The following CENPC variants were observed in gnomAD, a reference collection of about 807,000 sequenced individuals.
The protein encoded by CENPC is CENP-C 1.
Under a neutral mutation model 112.1 loss-of-function variants are expected in CENPC, and 63 were observed. The observed-to-expected ratio is 0.56, with a 90% CI of 0.46 to 0.69. The LOEUF (loss-of-function observed/expected upper bound fraction) is 0.69, where lower values mean the gene tolerates loss of function less well. Ranked by LOEUF, CENPC falls within the 30% of genes least tolerant of loss-of-function variation. The pLI is 0.00. For missense variants in CENPC, 1,000 were observed against 1,103.8 expected, an observed-to-expected ratio of 0.91 and a Z score of 1.33; for synonymous variants, 333 against 367.6, an observed-to-expected ratio of 0.91 and a Z score of 1.08.
intron 3 of CENPC, among the ~76,000 whole-genome samples, chr4:67,540,196 T>A (rs1032670030): frequency 1.3e-5 from 2 of 152,216 alleles, no homozygotes; most frequent in Non-Finnish European, 2.9e-5. Flanking sequence ...TTCTTTTCTA[T>A]CATCTGCCCC....
At chr4:67,544,038 G>C (rs1297689077) in intron 2 of CENPC, 111 bp downstream of exon 2, 3 of 658,456 alleles carry the variant, frequency 4.6e-6, no homozygotes, top group Non-Finnish European at 8.3e-6. Context: ...TTAATCAGTG[G>C]GCACAGAAAT....
At chr4:67,530,622 T>C (rs1371541600) in intron 5 of CENPC, among the ~76,000 whole-genome samples, 193 bp downstream of exon 5, 2 of 151,802 alleles carry the variant, frequency 1.3e-5, no homozygotes, top group East Asian at 1.9e-4. Flanking sequence ...CTAAAGGAAA[T>C]GGAGAAGAAG....
In CENPC at chr4:67,505,229, C is replaced by G. The variant is rs1022651302; in HGVS notation, c.2107G>C (p.Asp703His). The change falls in exon 12 of 19, where the codon GAT (aspartate) becomes CAT (histidine). Residue 703 changes from aspartate (D) to histidine (H), a missense_variant. Physicochemically the swap from Asp to His is moderately conservative, Grantham distance 81. Coordinates refer to ENST00000273853, the MANE Select transcript of CENPC (RefSeq NM_001812.4). ...YLMSGKNDVD[D>H]EEVHGSSDDS... ...CCTGAACTTCCATGAACTTCCTCAT[C>G]ATCCACATCATTCTTTCCAGACATT... 1.9e-6 allele frequency: 3 copies of G among 1,582,936 alleles called. No homozygotes were observed. Among genetic ancestry groups the G allele is most frequent in the Admixed American group, 1.8e-5 (1 of 55,198 alleles).
Position 67,491,889 on chromosome 4 carries a change from TG to T in CENPC, c.2515+290del, listed in dbSNP as rs948746096. On this transcript the variant is annotated intron_variant, in intron 16 of 18. Coordinates refer to ENST00000273853, the MANE Select transcript of CENPC (RefSeq NM_001812.4). The stretch of plus-strand genomic sequence containing the variant: ...CAGCCTCTGTTCCCATGTGTCCTCC[TG>T]GTCAAAGAAGGCCTAGACCCTGTTG... Among the ~76,000 whole-genome samples, 34 of 152,172 alleles carry T rather than the reference TG, an allele frequency of 2.2e-4. 1 individual carries two copies. The highest frequency in any genetic ancestry group is 1.3e-4 in the Non-Finnish European group (9 of 68,026).
intron 5 of CENPC, among the ~76,000 whole-genome samples, chr4:67,522,673 T>TG (rs1237498747): frequency 6.6e-6 from 1 of 151,946 alleles, no homozygotes; most frequent in African/African-American, 2.4e-5. Context: ...ATGAAGTGGA[T>TG]GGGGGGAAAG....
rs374454098 is a variant in CENPC, at chr4:67,508,285, G to A, written c.1904+529C>T. ...ATCTCTACTTTGGGAGCCCAAGGCA[G>A]GAGAATCACTTCACACCAGGCGTTC... On this transcript the variant is annotated intron_variant, in intron 10 of 18. Transcript: ENST00000273853. Among the ~76,000 whole-genome samples the A allele has an allele frequency of 5.9e-5, 9 of 152,006 alleles. No homozygotes were observed. In the East Asian group the frequency reaches 1.4e-3, roughly 23 times the overall value.
In CENPC at chr4:67,481,118, C is replaced by T. The variant is rs547137602; in HGVS notation, c.2671-6140G>A. 6.6e-4 allele frequency among the ~76,000 whole-genome samples: 101 copies of T among 152,124 alleles called. 1 individual carries two copies. Among genetic ancestry groups the T allele is most frequent in the Non-Finnish European group, 1.3e-3 (87 of 68,016 alleles). ...ACTTTCAGGATACAAAATCAACGTACACAAATCAATAGCTCTGCTATACAC... is the reference window on the plus strand; with the variant it reads ...ACTTTCAGGATACAAAATCAACGTATACAAATCAATAGCTCTGCTATACAC... On this transcript the variant is annotated intron_variant, in intron 17 of 18. Coordinates refer to ENST00000273853, the MANE Select transcript of CENPC (RefSeq NM_001812.4).
In CENPC at chr4:67,497,987, T is replaced by C. The variant is rs531405139; in HGVS notation, c.2132-2775A>G. Reference sequence around the variant, plus strand: ...GGCTCATGCCTGTAATCCCAAGACTTTGGGAGGCCCAGGAGGGTGGATCAC... The same window carrying C: ...GGCTCATGCCTGTAATCCCAAGACTCTGGGAGGCCCAGGAGGGTGGATCAC... On this transcript the variant is annotated intron_variant, in intron 12 of 18. Transcript: ENST00000273853. Among the ~76,000 whole-genome samples, 25 of 152,174 alleles carry C rather than the reference T, an allele frequency of 1.6e-4. No homozygotes were observed. In the South Asian group the frequency reaches 4.8e-3, roughly 29 times the overall value.
chr4:67,544,496 A>G (rs1290358536), intron 1 of CENPC, among the ~76,000 whole-genome samples: 2 of 152,216 alleles, frequency 1.3e-5, no homozygotes, highest in Non-Finnish European at 2.9e-5. Flanking sequence ...AGTATAGATT[A>G]TATTATTCTT....
At chr4:67,481,274 C>A (rs1027609792) in intron 17 of CENPC, among the ~76,000 whole-genome samples, 2 of 152,068 alleles carry the variant, frequency 1.3e-5, no homozygotes, top group Non-Finnish European at 2.9e-5. Flanking sequence ...CAAATGAAAA[C>A]ACATCCCATG....
chr4:67,522,056 T>C (rs1726244623), intron 5 of CENPC, among the ~76,000 whole-genome samples: 2 of 152,204 alleles, frequency 1.3e-5, no homozygotes, highest in South Asian at 2.1e-4. Flanking sequence ...CTGAACTGTA[T>C]ACTCAGAAAT....
chr4:67,487,546 G>C (rs148854250), intron 17 of CENPC, among the ~76,000 whole-genome samples: 20 of 151,666 alleles, frequency 1.3e-4, no homozygotes, highest in South Asian at 1.0e-3. Flanking sequence ...ATTCCTCCAA[G>C]GAACTGGTTC....
intron 17 of CENPC, among the ~76,000 whole-genome samples, chr4:67,478,469 A>G (rs911923088): frequency 3.3e-5 from 5 of 152,208 alleles, no homozygotes; most frequent in African/African-American, 1.2e-4. Flanking sequence ...TAAATGAAAG[A>G]AAGATAAAGT....
At chr4:67,490,244 A>T in intron 16 of CENPC, 123 bp from the exon 17 acceptor site, 2 of 610,296 alleles carry the variant, frequency 3.3e-6, no homozygotes, top group Non-Finnish European at 5.0e-6. Context: ...GAGTTGTTTC[A>T]GAGCATTAAC....
rs779006476 is a variant in CENPC, at chr4:67,514,516, C to A, written c.1002G>T (p.Pro334=). ...AGSLKQRTIS[P]AESTALLQGR... is the part of the protein sequence containing the mutation. The stretch of plus-strand genomic sequence containing the variant: ...CTTGAAGGAGTGCAGTGCTCTCAGC[C>A]GGGGATATTGTGCGTTGTTTCAGAG... The change falls in exon 8 of 19, where the codon CCG becomes CCT. Residue 334 remains proline (P), a synonymous_variant. Coordinates refer to ENST00000273853, the MANE Select transcript of CENPC (RefSeq NM_001812.4). The A allele has an allele frequency of 6.2e-7, 1 of 1,612,980 alleles. No individual in the cohort carries two copies. The highest frequency in any genetic ancestry group is 1.7e-5 in the Admixed American group (1 of 59,874).
Position 67,530,834 on chromosome 4 carries a change from A to G in CENPC, c.312T>C (p.Ser104=). ...ACCAACCTGATCTGTTTGTGGCTTC[A>G]CTTGGTTCTACAACAAACTGTAGAG... ...EASLQFVVEP[S]EATNRSVQAH... Residue 104 remains serine (S), a synonymous_variant, in exon 5 of 19, where the codon AGT becomes AGC. Coordinates refer to ENST00000273853, the MANE Select transcript of CENPC (RefSeq NM_001812.4). 6.3e-7 allele frequency: 1 copy of G among 1,595,656 alleles called. No homozygotes were observed. Among genetic ancestry groups the G allele is most frequent in the Non-Finnish European group, 8.6e-7 (1 of 1,169,088 alleles).
Position 67,469,877 on chromosome 4 carries a change from A to C in CENPC, c.*2728T>G, listed in dbSNP as rs1724607333. On this transcript the variant is annotated 3_prime_UTR_variant, in exon 19 of 19. Coordinates refer to ENST00000273853, the MANE Select transcript of CENPC (RefSeq NM_001812.4). ...AAAACTGAATTGTGATGCAGGGTACAGAAGTGGAAACTCCACTGAAAAAGA... is the reference window on the plus strand; with the variant it reads ...AAAACTGAATTGTGATGCAGGGTACCGAAGTGGAAACTCCACTGAAAAAGA... The C allele has an allele frequency of 6.6e-6, 1 of 152,216 alleles. No homozygotes were observed. The allele number at this position is 152,216 out of a possible 1,614,324, so 9.4% of individuals were successfully genotyped here.
At chr4:67,514,031 G>C in intron 8 of CENPC, 43 bp downstream of exon 8, 2 of 1,488,472 alleles carry the variant, frequency 1.3e-6, no homozygotes, top group Non-Finnish European at 8.9e-7. Context: ...AACATAAAAT[G>C]GGTAGAATAA....
At chr4:67,516,926 T>A (rs866310755) in intron 7 of CENPC, among the ~76,000 whole-genome samples, 1 of 151,956 alleles carries the variant, frequency 6.6e-6, no homozygotes, top group African/African-American at 2.4e-5. Context: ...TATATTTGAC[T>A]ACAACAATTA....
Sources: gnomAD v4.1 joint callset for allele counts (sites outside exome capture counted in the v4.1 genomes callset) on GRCh38, gnomAD v4.1.1 for gene constraint, MANE v1.5 for transcripts, NCBI Gene and HGNC (gene_info 2026-07-23, HGNC 2026-07-21) for gene names.